SDK1: variants seen among roughly 807,000 people sequenced by gnomAD.
SDK1 encodes the protein sidekick cell adhesion molecule 1, also known as protein sidekick-1.
SDK1 carries 157 observed loss-of-function variants against 245.5 expected under a neutral mutation model. That is an observed-to-expected ratio of 0.64 (90% CI 0.56 to 0.73). The LOEUF is 0.73. Ranked by LOEUF, SDK1 falls within the 30% of genes least tolerant of loss-of-function variation. The pLI is 0.00. For missense variants in SDK1, 3,583 were observed against 3,002.3 expected (o/e 1.19, Z -4.52); for synonymous variants, 1,647 against 1,278.5 (o/e 1.29, Z -6.15).
rs962626716 is a variant in SDK1, at chr7:3,575,281, C to T, written c.299-43799C>T. The stretch of plus-strand genomic sequence containing the variant: ...TGCATGTGGGAAAAGGGAGACAGCA[C>T]GCATGAATTCTCTGGTGTCTCTTCT... On this transcript the variant is annotated intron_variant, in intron 1 of 44. Coordinates refer to ENST00000404826, the MANE Select transcript of SDK1 (RefSeq NM_152744.4). Among the ~76,000 whole-genome samples the T allele has an allele frequency of 1.4e-4, 21 of 152,050 alleles. No homozygotes were observed. The East Asian group carries it at 1.6e-3, about 11-fold the overall frequency.
rs576069609 is a variant in SDK1 at position 3,658,389 on chromosome 7, G to A, written c.713+16284G>A. On this transcript the variant is annotated intron_variant, in intron 4 of 44. Transcript: ENST00000404826. ...CAGTGAGCACTGTGCTAGGCTCTGCGGATAAAAAGATCAATACAATGAGTC... is the reference window on the plus strand; with the variant it reads ...CAGTGAGCACTGTGCTAGGCTCTGCAGATAAAAAGATCAATACAATGAGTC... Among the ~76,000 whole-genome samples, 301 of 152,026 alleles carry A rather than the reference G, an allele frequency of 2.0e-3. 1 individual carries two copies. Among genetic ancestry groups the A allele is most frequent in the African/African-American group, 6.7e-3 (276 of 41,436 alleles).
chr7:3,986,344 C>G (rs1382672445), intron 13 of SDK1, among the ~76,000 whole-genome samples: 2 of 152,146 alleles, frequency 1.3e-5, no homozygotes, highest in African/African-American at 2.4e-5. Context: ...ATCCCCATAA[C>G]TCCAGCAGAA....
At chr7:3,607,415 C>A (rs930238324) in intron 1 of SDK1, among the ~76,000 whole-genome samples, 3 of 152,154 alleles carry the variant, frequency 2.0e-5, no homozygotes, top group African/African-American at 7.2e-5. Flanking sequence ...TATATATTTT[C>A]TTTGTTTCCT....
chr7:3,323,054 G>A lies in SDK1; in HGVS notation c.298+21170G>A, dbSNP rs190259970. On this transcript the variant is annotated intron_variant, in intron 1 of 44. Transcript: ENST00000404826. ...TGGACCCAAGCAAGCTGCCCATCTCGGCCTCCTAGAGTGCTGAAATTACAG... is the reference window on the plus strand; with the variant it reads ...TGGACCCAAGCAAGCTGCCCATCTCAGCCTCCTAGAGTGCTGAAATTACAG... Among the ~76,000 whole-genome samples, 27 of 152,060 alleles carry A rather than the reference G, an allele frequency of 1.8e-4. No individual in the cohort carries two copies. In the East Asian group the frequency reaches 3.7e-3, roughly 21 times the overall value.
intron 4 of SDK1, among the ~76,000 whole-genome samples, chr7:3,719,824 A>G (rs939721246): frequency 6.6e-6 from 1 of 151,944 alleles, no homozygotes; most frequent in African/African-American, 2.4e-5. Context: ...TAAAACTACA[A>G]AAATTAGCTG....
intron 1 of SDK1, among the ~76,000 whole-genome samples, chr7:3,591,681 C>G (rs1414247659): frequency 1.3e-5 from 2 of 152,146 alleles, no homozygotes; most frequent in African/African-American, 4.8e-5. Context: ...TCACTGTGGG[C>G]CCATGGCCGC....
At chr7:3,679,332 C>A (rs1047457453) in intron 4 of SDK1, among the ~76,000 whole-genome samples, 1 of 151,426 alleles carries the variant, frequency 6.6e-6, no homozygotes, top group Non-Finnish European at 1.5e-5. Flanking sequence ...TTTGGGAGGC[C>A]GAGGCGGGTG....
At chr7:3,750,958 T>C (rs913136423) in intron 4 of SDK1, among the ~76,000 whole-genome samples, 5 of 152,248 alleles carry the variant, frequency 3.3e-5, no homozygotes. Flanking sequence ...GCGACTGTTT[T>C]ACCTCCCTGC....
At chr7:3,838,283 T>G (rs1780072078) in intron 5 of SDK1, among the ~76,000 whole-genome samples, 1 of 152,210 alleles carries the variant, frequency 6.6e-6, no homozygotes, top group Non-Finnish European at 1.5e-5. Flanking sequence ...GATGGTCATC[T>G]AGATGGGTGA....
chr7:4,234,788 C>T (rs547763007), intron 41 of SDK1, among the ~76,000 whole-genome samples: 4 of 152,186 alleles, frequency 2.6e-5, no homozygotes, highest in African/African-American at 4.8e-5. Context: ...CAAGCCAGGG[C>T]GCTGGGGGGT....
At chr7:3,740,931 C>G (rs1006943979) in intron 4 of SDK1, among the ~76,000 whole-genome samples, 1 of 152,134 alleles carries the variant, frequency 6.6e-6, no homozygotes, top group Non-Finnish European at 1.5e-5. Flanking sequence ...TTCATAGCAA[C>G]CATAGAAACA....
chr7:3,413,931 C>G (rs1245455095), intron 1 of SDK1, among the ~76,000 whole-genome samples: 3 of 152,056 alleles, frequency 2.0e-5, no homozygotes, highest in South Asian at 4.2e-4. Flanking sequence ...AGTGATTGCA[C>G]CATTGCACTT....
chr7:3,407,638 C>T (rs1428418602), intron 1 of SDK1, among the ~76,000 whole-genome samples: 1 of 152,080 alleles, frequency 6.6e-6, no homozygotes, highest in African/African-American at 2.4e-5. Flanking sequence ...TGCTAGTGAC[C>T]TACATTATAA....
intron 5 of SDK1, among the ~76,000 whole-genome samples, chr7:3,853,712 C>G (rs1000855205): frequency 3.3e-5 from 5 of 152,072 alleles, no homozygotes; most frequent in Non-Finnish European, 5.9e-5. Context: ...GGATTTTGGT[C>G]TGGCACAGTG....
chr7:3,717,277 A>G (rs959960786), intron 4 of SDK1, among the ~76,000 whole-genome samples: 2 of 152,220 alleles, frequency 1.3e-5, no homozygotes, highest in Non-Finnish European at 2.9e-5. Flanking sequence ...CAAACTAGAA[A>G]TTAACAGAGA....
chr7:4,019,561 G>A (rs1291167498), intron 17 of SDK1, among the ~76,000 whole-genome samples: 1 of 151,938 alleles, frequency 6.6e-6, no homozygotes, highest in African/African-American at 2.4e-5. Context: ...CATATGTGAT[G>A]AGAACCTGAC....
intron 1 of SDK1, among the ~76,000 whole-genome samples, chr7:3,381,505 G>T (rs1368054264): frequency 2.0e-5 from 3 of 152,068 alleles, no homozygotes; most frequent in African/African-American, 7.2e-5. Flanking sequence ...CGGGGAAGGG[G>T]GAGTGACCTG....
intron 44 of SDK1, among the ~76,000 whole-genome samples, chr7:4,248,458 T>G (rs1787056966): frequency 7.0e-6 from 1 of 142,912 alleles, no homozygotes. Flanking sequence ...CATGCACACA[T>G]GCATACACAC....
intron 7 of SDK1, among the ~76,000 whole-genome samples, chr7:3,957,827 A>T (rs536847954): frequency 6.6e-6 from 1 of 152,340 alleles, no homozygotes; most frequent in South Asian, 2.1e-4. Flanking sequence ...GTACACATGA[A>T]AACTTAAGTA....
Sources: allele counts gnomAD v4.1 joint callset (sites outside exome capture counted in the v4.1 genomes callset), GRCh38; gene constraint gnomAD v4.1.1; transcripts MANE v1.5; gene names NCBI Gene and HGNC (gene_info 2026-07-23, HGNC 2026-07-21).